AOPEP: variants seen among roughly 807,000 people sequenced by gnomAD.
AOPEP encodes the protein aminopeptidase O (putative).
Under a neutral mutation model 98.1 loss-of-function variants are expected in AOPEP, and 77 were observed. The observed-to-expected ratio is 0.78, with a 90% confidence interval of 0.65 to 0.95. AOPEP has a LOEUF of 0.95. Ranked by LOEUF, AOPEP falls within the 40% of genes least tolerant of loss-of-function variation. The pLI, the probability that AOPEP is intolerant of heterozygous loss-of-function variation, is 0.00. For missense variants in AOPEP, 1,024 were observed against 1,024.7 expected, an observed-to-expected ratio of 1.00 and a Z score of 0.01; for synonymous variants, 346 against 365.3, an observed-to-expected ratio of 0.95 and a Z score of 0.60.
chr9:94,963,014 G>T (rs549754213), intron 9 of AOPEP, among the ~76,000 whole-genome samples: 155 of 152,202 alleles, frequency 1.0e-3, no homozygotes, highest in African/African-American at 3.7e-3. Context: ...AAAGTGCTGG[G>T]ATTACAGGCG....
chr9:95,098,575 G>C, the AOPEP span, among the ~76,000 whole-genome samples: 1 of 152,162 alleles, frequency 6.6e-6, no homozygotes, highest in African/African-American at 2.4e-5. Flanking sequence ...CACTGCAGTG[G>C]GGGTCCTGGG....
At chr9:95,085,902 C>T (rs1442785801) in intron 16 of AOPEP, 4 of 1,214,352 alleles carry the variant, frequency 3.3e-6, no homozygotes, top group East Asian at 1.1e-4. Context: ...TTGTTCTGGG[C>T]GCGGTGAACT....
chr9:95,076,284 TAGC>T (rs2069056968), intron 14 of AOPEP, among the ~76,000 whole-genome samples: 1 of 152,198 alleles, frequency 6.6e-6, no homozygotes, highest in Non-Finnish European at 1.5e-5. Context: ...GAAGGCAATT[TAGC>T]AGCCTCTCAA....
At chr9:95,058,738 C>T (rs555924236) in intron 13 of AOPEP, among the ~76,000 whole-genome samples, 3 of 152,226 alleles carry the variant, frequency 2.0e-5, no homozygotes, top group East Asian at 3.9e-4. Context: ...GGAGAGCCCA[C>T]GACTGGGGTG....
chr9:94,797,704 T>A (rs1362301586), intron 4 of AOPEP, among the ~76,000 whole-genome samples: 1 of 76,930 alleles, frequency 1.3e-5, no homozygotes, highest in Non-Finnish European at 2.3e-5. Context: ...CTCTCATACC[T>A]TTTTTTTTTT....
intron 7 of AOPEP, chr9:94,931,731 G>A (rs989942101): frequency 3.2e-6 from 5 of 1,549,780 alleles, no homozygotes; most frequent in African/African-American, 2.7e-5. Context: ...ACATGTTGGC[G>A]GATGCAGTGG....
chr9:95,081,831 CTT>C (rs1468448644), intron 15 of AOPEP, among the ~76,000 whole-genome samples: 1 of 152,116 alleles, frequency 6.6e-6, no homozygotes, highest in African/African-American at 2.4e-5. Context: ...CTTGCGATGT[CTT>C]TGAGACCCTT....
intron 5 of AOPEP, among the ~76,000 whole-genome samples, chr9:94,826,832 G>A (rs1009270673): frequency 6.6e-6 from 1 of 152,110 alleles, no homozygotes; most frequent in African/African-American, 2.4e-5. Context: ...GGAAGTGGGG[G>A]AGGTGACAGT....
At chr9:94,829,405 A>G (rs1855435128) in intron 5 of AOPEP, among the ~76,000 whole-genome samples, 1 of 152,186 alleles carries the variant, frequency 6.6e-6, no homozygotes, top group Admixed American at 6.5e-5. Context: ...CCACATACCC[A>G]ACTGCAGTTG....
chr9:94,807,037 A>G (rs1436222436), intron 5 of AOPEP, among the ~76,000 whole-genome samples: 2 of 152,202 alleles, frequency 1.3e-5, no homozygotes, highest in East Asian at 1.9e-4. Flanking sequence ...GTCTCCACAC[A>G]GAAACCATAC....
intron 13 of AOPEP, chr9:95,048,803 T>C (rs2066081650): frequency 6.6e-6 from 1 of 152,204 alleles, no homozygotes; most frequent in Non-Finnish European, 1.5e-5. Context: ...TGTGATTTCG[T>C]GCGTGTTTTA....
chr9:94,767,362 T>G (rs138220582), intron 2 of AOPEP, among the ~76,000 whole-genome samples: 4 of 152,168 alleles, frequency 2.6e-5, no homozygotes, highest in African/African-American at 9.7e-5. Flanking sequence ...ATGGACTGTA[T>G]CAGTCTCAAC....
chr9:94,895,225 AAAATAAAATAAAAT>A (rs1424934691), intron 5 of AOPEP, among the ~76,000 whole-genome samples: 10 of 21,482 alleles, frequency 4.7e-4, no homozygotes, highest in African/African-American at 9.1e-4. Context: ...CTACTAAAAA[AAAATAAAATAAAAT>A]AAAAAAAAAA....
At chr9:94,769,701 G>A (rs973867394) in intron 2 of AOPEP, among the ~76,000 whole-genome samples, 3 of 152,212 alleles carry the variant, frequency 2.0e-5, no homozygotes, top group Non-Finnish European at 4.4e-5. Flanking sequence ...CATGGAAAGA[G>A]GAGGGTGGGA....
At position 94,800,900 on chromosome 9, in the gene AOPEP, C is replaced by A; in HGVS notation, c.1262C>A (p.Pro421His). 1 of 1,614,164 alleles carries A rather than the reference C, an allele frequency of 6.2e-7. No individual in the cohort carries two copies. The highest frequency in any genetic ancestry group is 8.5e-7 in the Non-Finnish European group (1 of 1,180,036). The change falls in exon 5 of 17, where the codon CCT (proline) becomes CAT (histidine). Residue 421 changes from proline to histidine, a missense_variant. Coordinates refer to ENST00000375315, the MANE Select transcript of AOPEP (RefSeq NM_001193329.3). ...ACQETLLRLI[P>H]PCLSAAHSVL... ...CAAGAGACCCTTCTGCGGCTGATCCCTCCTTGCCTCTCAGCAGCACATTCT... is the reference window on the plus strand; with the variant it reads ...CAAGAGACCCTTCTGCGGCTGATCCATCCTTGCCTCTCAGCAGCACATTCT...
At chr9:94,960,317 A>G (rs1029370903) in intron 9 of AOPEP, among the ~76,000 whole-genome samples, 1 of 152,024 alleles carries the variant, frequency 6.6e-6, no homozygotes, top group African/African-American at 2.4e-5. Flanking sequence ...AGGCTGAGGC[A>G]GGAGAATAGC....
intron 5 of AOPEP, among the ~76,000 whole-genome samples, chr9:94,823,642 C>G (rs934963724): frequency 1.3e-5 from 2 of 152,158 alleles, no homozygotes; most frequent in African/African-American, 4.8e-5. Flanking sequence ...TCCCCGGGTT[C>G]CCACACCAGG....
intron 10 of AOPEP, among the ~76,000 whole-genome samples, chr9:94,971,215 C>CT (rs1406260202): frequency 5.9e-5 from 9 of 152,060 alleles, no homozygotes; most frequent in African/African-American, 2.2e-4. Context: ...AGCAGTGTCC[C>CT]TGTCTTAATG....
At chr9:94,802,752 C>T (rs1458298401) in intron 5 of AOPEP, among the ~76,000 whole-genome samples, 4 of 152,014 alleles carry the variant, frequency 2.6e-5, no homozygotes, top group African/African-American at 9.7e-5. Flanking sequence ...CATTTTTTTC[C>T]CTTCCTTTTA....
Sources: gnomAD v4.1 joint callset for allele counts (sites outside exome capture counted in the v4.1 genomes callset) on GRCh38, gnomAD v4.1.1 for gene constraint, MANE v1.5 for transcripts, NCBI Gene and HGNC (gene_info 2026-07-23, HGNC 2026-07-21) for gene names.